DOCK1: variants seen among roughly 807,000 people sequenced by gnomAD.
The protein encoded by DOCK1 is dedicator of cytokinesis protein 1.
A neutral mutation model predicts 262.7 loss-of-function variants in DOCK1; 138 were observed. The ratio of observed to expected loss-of-function variants is 0.53; its 90% CI spans 0.46 to 0.61. The LOEUF is 0.61. Among genes scored for constraint, DOCK1 ranks in the 20% least tolerant of loss-of-function variants. The pLI is 0.00. For synonymous variants in DOCK1, 866 were observed against 867.4 expected (o/e 1.00, Z 0.03); for missense variants, 1,908 against 2,370.7 (o/e 0.80, Z 4.05).
chr10:127,054,473 C>G (rs552929813), intron 22 of DOCK1, among the ~76,000 whole-genome samples: 1 of 152,116 alleles, frequency 6.6e-6, no homozygotes, highest in Non-Finnish European at 1.5e-5. Context: ...ATATGCATGA[C>G]CTTTGGTGTG....
intron 27 of DOCK1, among the ~76,000 whole-genome samples, chr10:127,198,645 C>T (rs1054520086): frequency 3.9e-5 from 6 of 151,978 alleles, no homozygotes; most frequent in South Asian, 2.1e-4. Flanking sequence ...GAGAGTATAA[C>T]GGAATTCTGT....
chr10:127,064,392 A>C (rs935445728), intron 23 of DOCK1, among the ~76,000 whole-genome samples: 2 of 152,194 alleles, frequency 1.3e-5, no homozygotes, highest in Non-Finnish European at 2.9e-5. Context: ...TTGAAGAGGG[A>C]GGGCAGGAGG....
chr10:127,257,650 G>A (rs942695884), intron 29 of DOCK1: 18 of 389,314 alleles, frequency 4.6e-5, no homozygotes, highest in East Asian at 3.7e-4. Flanking sequence ...CTTGAGCTCC[G>A]TCCCCTGGAG....
chr10:127,208,052 A>G (rs796670254), intron 27 of DOCK1, among the ~76,000 whole-genome samples: 7 of 152,348 alleles, frequency 4.6e-5, no homozygotes, highest in African/African-American at 1.2e-4. Context: ...TTAGAGCAGT[A>G]TATCCTATCA....
chr10:127,153,878 G>T, intron 27 of DOCK1: 1 of 1,613,556 alleles, frequency 6.2e-7, no homozygotes, highest in Admixed American at 1.7e-5. Context: ...CACTGTTCCT[G>T]CATGTGTCAC....
intron 49 of DOCK1, among the ~76,000 whole-genome samples, chr10:127,441,798 G>A (rs1415734380): frequency 6.6e-6 from 1 of 151,824 alleles, no homozygotes; most frequent in Non-Finnish European, 1.5e-5. Flanking sequence ...CTGTGGCTGG[G>A]TTCGGTTTCC....
At chr10:127,105,225 A>G (rs2048465492) in intron 23 of DOCK1, among the ~76,000 whole-genome samples, 1 of 152,180 alleles carries the variant, frequency 6.6e-6, no homozygotes, top group Non-Finnish European at 1.5e-5. Context: ...CTGTGAGCCC[A>G]TTAAACCTCT....
At chr10:127,073,690 G>C (rs192267454) in intron 23 of DOCK1, among the ~76,000 whole-genome samples, 3 of 152,176 alleles carry the variant, frequency 2.0e-5, no homozygotes, top group Non-Finnish European at 4.4e-5. Flanking sequence ...CAGAACCATC[G>C]TTAACCTTCT....
chr10:127,038,858 G>A (rs1327563473), intron 19 of DOCK1, among the ~76,000 whole-genome samples: 1 of 152,108 alleles, frequency 6.6e-6, no homozygotes, highest in Non-Finnish European at 1.5e-5. Context: ...AATTTGCTGG[G>A]GCAACTTTTC....
chr10:127,017,468 C>T (rs1479006950), intron 12 of DOCK1, among the ~76,000 whole-genome samples: 2 of 151,256 alleles, frequency 1.3e-5, no homozygotes, highest in South Asian at 2.1e-4. Flanking sequence ...TTTAGCCACA[C>T]GCATACAGAT....
At chr10:127,136,478 C>CAAAAAAAAAAAAAAAAAAAAA in intron 27 of DOCK1, 1 of 67,106 alleles carries the variant, frequency 1.5e-5, no homozygotes, top group Non-Finnish European at 3.7e-5. Context: ...TTAAGTTGTA[C>CAAAAAAAAAAAAAAAAAAAAA]AAAAAAAAAA....
intron 1 of DOCK1, among the ~76,000 whole-genome samples, chr10:126,941,284 G>A (rs1447458812): frequency 1.3e-5 from 2 of 152,176 alleles, no homozygotes; most frequent in Admixed American, 6.6e-5. Context: ...GAGAGGAGAT[G>A]CTATACTGTG....
chr10:126,934,826 A>G lies in DOCK1; in HGVS notation c.46+29263A>G, dbSNP rs933198200. On this transcript the variant is annotated intron_variant, in intron 1 of 51. Coordinates refer to ENST00000623213, the MANE Select transcript of DOCK1 (RefSeq NM_001290223.2). The stretch of plus-strand genomic sequence containing the variant: ...GGTAACAATAAGGATTATGGAAAGT[A>G]TAAAACTAGGCCGGGTGCGGTGGCT... Among the ~76,000 whole-genome samples, 34 of 145,090 alleles carry G rather than the reference A, an allele frequency of 2.3e-4. 1 individual carries two copies. The South Asian group carries it at 6.8e-3, about 29-fold the overall frequency.
At chr10:127,407,741 T>G (rs894616214) in intron 40 of DOCK1, among the ~76,000 whole-genome samples, 4 of 152,166 alleles carry the variant, frequency 2.6e-5, no homozygotes, top group Non-Finnish European at 4.4e-5. Context: ...GCAGCTGACT[T>G]GGGAGCAGCC....
At chr10:127,431,008 G>A (rs1420191184) in intron 47 of DOCK1, among the ~76,000 whole-genome samples, 2 of 152,290 alleles carry the variant, frequency 1.3e-5, no homozygotes, top group South Asian at 2.1e-4. Flanking sequence ...GGGCTTCCCC[G>A]GCATCATTTC....
At position 126,994,493 on chromosome 10, in the gene DOCK1, G is replaced by A. The variant is rs903566180; in HGVS notation, c.474-2255G>A. On this transcript the variant is annotated intron_variant, in intron 6 of 51. Coordinates refer to ENST00000623213, the MANE Select transcript of DOCK1 (RefSeq NM_001290223.2). Reference sequence around the variant, plus strand: ...CCTTCCGCAGTGTTTGTGTCCCTGGGTACTTGAGATTAGGGAGTGGTGGTG... The same window carrying A: ...CCTTCCGCAGTGTTTGTGTCCCTGGATACTTGAGATTAGGGAGTGGTGGTG... 5.9e-5 allele frequency among the ~76,000 whole-genome samples: 9 copies of A among 152,128 alleles called. 1 individual carries two copies. Among genetic ancestry groups the A allele is most frequent in the Non-Finnish European group, 1.3e-4 (9 of 68,034 alleles).
chr10:126,910,812 C>T (rs768823079), intron 1 of DOCK1, among the ~76,000 whole-genome samples: 2 of 152,074 alleles, frequency 1.3e-5, no homozygotes, highest in Admixed American at 6.6e-5. Context: ...AAGAGTGTTC[C>T]GTTAGTGAAA....
chr10:127,236,635 T>C (rs1054599436), intron 27 of DOCK1, among the ~76,000 whole-genome samples: 1 of 151,074 alleles, frequency 6.6e-6, no homozygotes, highest in Admixed American at 6.6e-5. Flanking sequence ...CTTAACCATA[T>C]TGAGTCTTCC....
intron 27 of DOCK1, among the ~76,000 whole-genome samples, chr10:127,181,124 G>T (rs1470298401): frequency 6.6e-6 from 1 of 152,222 alleles, no homozygotes; most frequent in Admixed American, 6.5e-5. Context: ...TTATTGTTTT[G>T]AGGGAGCCCT....
Sources: gnomAD v4.1 joint callset for allele counts (sites outside exome capture counted in the v4.1 genomes callset) on GRCh38, gnomAD v4.1.1 for gene constraint, MANE v1.5 for transcripts, NCBI Gene and HGNC (gene_info 2026-07-23, HGNC 2026-07-21) for gene names.